Variants in RP1 observed in about 807,000 individuals in gnomAD.
RP1 encodes RP1 axonemal microtubule associated.
Under a neutral mutation model 14.8 loss-of-function variants are expected in RP1, and 16 were observed. That is an observed-to-expected ratio of 1.08 (90% CI 0.73 to 1.65). The LOEUF (loss-of-function observed/expected upper bound fraction) is 1.65, where lower values mean the gene tolerates loss of function less well. Among genes scored for constraint, RP1 ranks in the 40% most tolerant of loss-of-function variants. RP1 has a pLI of 0.00. For missense variants in RP1, 2,631 were observed against 2,535.0 expected (o/e 1.04, Z -0.81); for synonymous variants, 876 against 883.6 (o/e 0.99, Z 0.15).
At chr8:54,658,231 C>T (rs980749534) in intron 6 of RP1, among the ~76,000 whole-genome samples, 1 of 152,146 alleles carries the variant, frequency 6.6e-6, no homozygotes, top group African/African-American at 2.4e-5. Flanking sequence ...CTATGGTATA[C>T]CATGTTAACA....
At position 54,624,667 on chromosome 8, in the gene RP1, A is replaced by C; in HGVS notation, c.788-3A>C. ...GCACCTTTTACTCTTAAAATCTTTA[A>C]AGTAAGCACACATATGTCTTCAAGC... On this transcript the variant is annotated splice_polypyrimidine_tract_variant and splice_region_variant and intron_variant, in intron 3 of 3. Transcript: ENST00000220676. 6.2e-7 allele frequency: 1 copy of C among 1,613,614 alleles called. No individual in the cohort carries two copies. The highest frequency in any genetic ancestry group is 8.5e-7 in the Non-Finnish European group (1 of 1,179,858).
chr8:54,754,633 G>A (rs1809454449), intron 19 of RP1, among the ~76,000 whole-genome samples: 1 of 152,080 alleles, frequency 6.6e-6, no homozygotes, highest in South Asian at 2.1e-4. Context: ...TAGCAAAATG[G>A]CAATTACTTT....
At chr8:54,569,400 T>C (rs2129292447) in intron 1 of RP1, among the ~76,000 whole-genome samples, 1 of 152,362 alleles carries the variant, frequency 6.6e-6, no homozygotes, top group South Asian at 2.1e-4. Context: ...TATAATCTTG[T>C]GATTGTAATT....
At position 54,585,117 on chromosome 8, in the gene RP1, G is replaced by A. The variant is rs546160308; in HGVS notation, c.-13+25797G>A. On this transcript the variant is annotated intron_variant, in intron 1 of 22. Transcript: ENST00000636932. Reference sequence around the variant, plus strand: ...GCCTTGATGGTCTTTACAATTTGGCGTGTTTTTGCAGTGGTTGGTACCGGT... The same window carrying A: ...GCCTTGATGGTCTTTACAATTTGGCATGTTTTTGCAGTGGTTGGTACCGGT... 8.0e-4 allele frequency among the ~76,000 whole-genome samples: 122 copies of A among 152,274 alleles called. No homozygotes were observed. In the Middle Eastern group the frequency reaches 0.01, roughly 13 times the overall value.
At chr8:54,865,607 A>G (rs1463276062) in intron 27 of RP1, among the ~76,000 whole-genome samples, 1 of 152,010 alleles carries the variant, frequency 6.6e-6, no homozygotes, top group Non-Finnish European at 1.5e-5. Flanking sequence ...TTAATTTTAT[A>G]GAGAGTTTGG....
At chr8:54,568,322 AG>A (rs1804450526) in intron 1 of RP1, among the ~76,000 whole-genome samples, 1 of 152,214 alleles carries the variant, frequency 6.6e-6, no homozygotes, top group Non-Finnish European at 1.5e-5. Flanking sequence ...AAAGAAGGGA[AG>A]AATACATTTT....
chr8:54,653,600 A>T (rs1026390932), intron 5 of RP1, among the ~76,000 whole-genome samples: 3 of 152,172 alleles, frequency 2.0e-5, no homozygotes, highest in Non-Finnish European at 2.9e-5. Context: ...ATTCCTTAAA[A>T]ACATTAAAAA....
chr8:54,569,273 A>T (rs1804472578), intron 1 of RP1, among the ~76,000 whole-genome samples: 2 of 152,184 alleles, frequency 1.3e-5, no homozygotes, highest in Non-Finnish European at 2.9e-5. Flanking sequence ...CTTCTCAGTG[A>T]ATTGGTTTGG....
intron 15 of RP1, among the ~76,000 whole-genome samples, chr8:54,712,347 A>G (rs935233851): frequency 1.3e-5 from 2 of 152,156 alleles, no homozygotes; most frequent in Non-Finnish European, 2.9e-5. Flanking sequence ...CCAAGATGCC[A>G]TATTTTAGGG....
intron 23 of RP1, among the ~76,000 whole-genome samples, chr8:54,779,503 C>T (rs543117681): frequency 5.8e-4 from 88 of 152,068 alleles, no homozygotes; most frequent in Non-Finnish European, 1.0e-3. Flanking sequence ...ACAGGTGTTT[C>T]TATATTCAAA....
At chr8:54,701,515 G>T in exon 14 of RP1, 1 of 1,534,420 alleles carries the variant, frequency 6.5e-7, no homozygotes. Flanking sequence ...CTGAGCTGCG[G>T]GTGCTTTATC....
At chr8:54,797,529 A>AC (rs1810603729) in intron 24 of RP1, among the ~76,000 whole-genome samples, 2 of 101,718 alleles carry the variant, frequency 2.0e-5, no homozygotes, top group African/African-American at 4.4e-5. Flanking sequence ...ACATAGGACT[A>AC]AACACACACA....
chr8:54,837,475 T>C, exon 25 of RP1: 5 of 1,230,740 alleles, frequency 4.1e-6, no homozygotes, highest in Non-Finnish European at 5.1e-6. Context: ...ATTGGTGAAA[T>C]CTATAAAATA....
At chr8:54,605,895 G>C (rs1805428369) in intron 1 of RP1, among the ~76,000 whole-genome samples, 1 of 151,004 alleles carries the variant, frequency 6.6e-6, no homozygotes, top group East Asian at 1.9e-4. Context: ...TTGCTTGGTA[G>C]ATCTTCCTCC....
exon 5 of RP1, chr8:54,652,845 C>A: frequency 6.5e-7 from 1 of 1,535,550 alleles, no homozygotes; most frequent in Non-Finnish European, 8.7e-7. Flanking sequence ...CTGGATCCTC[C>A]CCTTCCTGGC....
In RP1 at chr8:54,629,896, GA is replaced by G; in HGVS notation, c.6018del (p.Lys2006AsnfsTer10). 1 of 1,613,626 alleles carries G rather than the reference GA, an allele frequency of 6.2e-7. No individual in the cohort carries two copies. Among genetic ancestry groups the G allele is most frequent in the Non-Finnish European group, 8.5e-7 (1 of 1,179,814 alleles). ...ACATTTGACTTGATGGGTAAAAGAA[GA>G]AAACAAAAAAGAATTAACTTCTTGG... ...SNTFDLMGKR[R>X]KQKRINFLGL... On this transcript the variant is annotated frameshift_variant, in exon 4 of 4. Transcript: ENST00000220676. LOFTEE classifies it low-confidence loss of function (END_TRUNC).
intron 24 of RP1, among the ~76,000 whole-genome samples, chr8:54,812,818 T>C (rs141500569): frequency 1.7e-3 from 250 of 149,980 alleles, no homozygotes; most frequent in African/African-American, 5.7e-3. Flanking sequence ...TCTCTCCGTC[T>C]TCTATCATTT....
Position 54,627,924 on chromosome 8 carries a change from A to G in RP1, c.4042A>G (p.Lys1348Glu). 6.2e-7 allele frequency: 1 copy of G among 1,614,178 alleles called. No homozygotes were observed. Among genetic ancestry groups the G allele is most frequent in the Non-Finnish European group, 8.5e-7 (1 of 1,179,988 alleles). Residue 1348 changes from lysine (K) to glutamate (E), a missense_variant, in exon 4 of 4, where the codon AAA (lysine) becomes GAA (glutamate). Physicochemically the swap from Lys to Glu is moderately conservative, Grantham distance 56. Coordinates refer to ENST00000220676, the MANE Select transcript of RP1 (RefSeq NM_006269.2). ...CAATACCATTGACTTTTTAAACTCC[A>G]AAGAAAACACATATACTGATAACTT... is the stretch of plus-strand genomic sequence containing the variant. ...VCNTIDFLNS[K>E]ENTYTDNLDS...
At chr8:54,592,850 C>T (rs960166373) in intron 1 of RP1, among the ~76,000 whole-genome samples, 5 of 152,070 alleles carry the variant, frequency 3.3e-5, no homozygotes, top group East Asian at 3.9e-4. Context: ...GAAAATGGGA[C>T]GGCACCAGCT....
Sources: gnomAD v4.1 joint callset for allele counts (sites outside exome capture counted in the v4.1 genomes callset) on GRCh38, gnomAD v4.1.1 for gene constraint, MANE v1.5 for transcripts, NCBI Gene and HGNC (gene_info 2026-07-23, HGNC 2026-07-21) for gene names.